FILIP1: variants seen among roughly 807,000 people sequenced by gnomAD.
FILIP1 encodes the protein filamin A interacting protein 1, also known as filamin-A-interacting protein 1.
FILIP1 carries 61 observed loss-of-function variants against 102.1 expected under a neutral mutation model. The observed-to-expected ratio is 0.60, with a 90% CI of 0.49 to 0.74. The LOEUF is 0.74. Ranked by LOEUF, FILIP1 falls within the 30% of genes least tolerant of loss-of-function variation. The pLI is 0.00. For missense variants in FILIP1, 1,314 were observed against 1,441.2 expected, an observed-to-expected ratio of 0.91 and a Z score of 1.43; for synonymous variants, 491 against 526.9, an observed-to-expected ratio of 0.93 and a Z score of 0.93.
intron 4 of FILIP1, among the ~76,000 whole-genome samples, chr6:75,352,159 G>A (rs1271343928): frequency 6.6e-6 from 1 of 152,082 alleles, no homozygotes; most frequent in African/African-American, 2.4e-5. Flanking sequence ...TTTATTTACT[G>A]TCTAATTGTG....
At chr6:75,476,362 A>C (rs1368009083) in intron 1 of FILIP1, among the ~76,000 whole-genome samples, 1 of 152,180 alleles carries the variant, frequency 6.6e-6, no homozygotes. Flanking sequence ...TTTAGGTGAC[A>C]CTGGGAAATT....
At position 75,313,482 on chromosome 6, in the gene FILIP1, T is replaced by C; in HGVS notation, c.2350A>G (p.Arg784Gly). The change falls in exon 5 of 6, where the codon AGA (arginine) becomes GGA (glycine). Residue 784 changes from arginine (R) to glycine (G), a missense_variant. Arg to Gly is a moderately radical substitution (Grantham distance 125, BLOSUM62 -2). This residue lies in a region of FILIP1 where 816 missense variants were observed against 913.1 expected (regional missense o/e 0.89). Transcript: ENST00000237172. The surrounding 1 kb of genome is among the most constrained non-coding windows in gnomAD (Gnocchi z 4.2). ...KELELSKRYSRALRPSVNGRR... is the reference protein window; with the variant it reads ...KELELSKRYSGALRPSVNGRR... ...CCATTCACACTGGGCCTAAGAGCTC[T>C]GCTGTAGCGCTTGGAAAGCTCCAAC... 1 of 1,614,254 alleles carries C rather than the reference T, an allele frequency of 6.2e-7. No homozygotes were observed. The highest frequency in any genetic ancestry group is 8.5e-7 in the Non-Finnish European group (1 of 1,180,046).
intron 1 of FILIP1, among the ~76,000 whole-genome samples, chr6:75,437,490 A>G (rs986469665): frequency 1.3e-5 from 2 of 152,218 alleles, no homozygotes; most frequent in Non-Finnish European, 1.5e-5. Context: ...TTGGCCAGAG[A>G]TGCCTCATGG....
At chr6:75,433,141 T>C (rs539827643) in intron 1 of FILIP1, among the ~76,000 whole-genome samples, 12 of 152,372 alleles carry the variant, frequency 7.9e-5, no homozygotes, top group African/African-American at 2.9e-4. Context: ...TAAACATACA[T>C]GTGCATGTGT....
At chr6:75,451,692 G>A (rs566961053) in intron 1 of FILIP1, among the ~76,000 whole-genome samples, 2 of 152,176 alleles carry the variant, frequency 1.3e-5, no homozygotes, top group African/African-American at 2.4e-5. Flanking sequence ...TTAGCCAGAT[G>A]TGGTGGTGTG....
At chr6:75,347,055 T>G (rs530400788) in intron 4 of FILIP1, among the ~76,000 whole-genome samples, 1 of 152,314 alleles carries the variant, frequency 6.6e-6, no homozygotes, top group East Asian at 1.9e-4. Flanking sequence ...AGAATAGGTA[T>G]GCAGTTCAAG....
chr6:75,356,310 G>A (rs1370492521), intron 3 of FILIP1, among the ~76,000 whole-genome samples: 2 of 151,894 alleles, frequency 1.3e-5, no homozygotes, highest in African/African-American at 4.8e-5. Flanking sequence ...AAAGAGAGCT[G>A]CTCACATTAT....
intron 6 of FILIP1, among the ~76,000 whole-genome samples, chr6:75,297,616 TA>T (rs1233863400): frequency 6.6e-6 from 1 of 152,130 alleles, no homozygotes; most frequent in African/African-American, 2.4e-5. Flanking sequence ...TTCAAATGCC[TA>T]AAAATATATC....
chr6:75,469,017 A>G (rs1012430657), intron 1 of FILIP1, among the ~76,000 whole-genome samples: 4 of 152,058 alleles, frequency 2.6e-5, no homozygotes, highest in Non-Finnish European at 5.9e-5. Flanking sequence ...TCTTTGATAT[A>G]ATTTTGCCAA....
chr6:75,466,255 A>G (rs1025872730), intron 1 of FILIP1, among the ~76,000 whole-genome samples: 1 of 152,090 alleles, frequency 6.6e-6, no homozygotes, highest in Non-Finnish European at 1.5e-5. Context: ...TGATTTACTT[A>G]TTTATTATGC....
At chr6:75,302,006 C>G (rs919948964) in intron 6 of FILIP1, among the ~76,000 whole-genome samples, 4 of 152,108 alleles carry the variant, frequency 2.6e-5, no homozygotes, top group African/African-American at 9.7e-5. Flanking sequence ...ACCCCTGAAA[C>G]TTTCTCATTC....
At chr6:75,356,391 G>A (rs978924333) in intron 3 of FILIP1, among the ~76,000 whole-genome samples, 5 of 152,026 alleles carry the variant, frequency 3.3e-5, no homozygotes, top group African/African-American at 7.2e-5. Flanking sequence ...AGAAGCCCAC[G>A]TTAATGGGTG....
At chr6:75,488,443 GAAAA>G (rs199851121) in intron 1 of FILIP1, among the ~76,000 whole-genome samples, 1 of 135,856 alleles carries the variant, frequency 7.4e-6, no homozygotes, top group Non-Finnish European at 1.6e-5. Context: ...GACCATTTAA[GAAAA>G]AAAAAAAAAC....
downstream of FILIP1, among the ~76,000 whole-genome samples, chr6:75,303,710 C>A (rs891851430): frequency 4.0e-5 from 6 of 150,876 alleles, no homozygotes; most frequent in African/African-American, 1.5e-4. Context: ...TACTGGAGGA[C>A]TTTTTCCTTT....
intron 6 of FILIP1, among the ~76,000 whole-genome samples, chr6:75,301,437 C>T (rs370741864): frequency 6.6e-5 from 10 of 152,076 alleles, no homozygotes; most frequent in East Asian, 3.8e-4. Flanking sequence ...GACATCTGTA[C>T]GCCTCAGGGA....
chr6:75,424,659 ATT>A (rs1777575055), intron 1 of FILIP1, among the ~76,000 whole-genome samples: 1 of 152,166 alleles, frequency 6.6e-6, no homozygotes, highest in African/African-American at 2.4e-5. Flanking sequence ...ATAGAAAAAT[ATT>A]TGTCTTTATA....
At chr6:75,308,976 TG>T in intron 5 of FILIP1, 79 bp from the exon 6 acceptor site, 1 of 1,486,948 alleles carries the variant, frequency 6.7e-7, no homozygotes, top group Admixed American at 1.8e-5. Context: ...TGAACATTAG[TG>T]GGACTCTTGC....
chr6:75,441,770 C>T (rs1333736554), intron 1 of FILIP1, among the ~76,000 whole-genome samples: 1 of 147,836 alleles, frequency 6.8e-6, no homozygotes, highest in Non-Finnish European at 1.5e-5. Flanking sequence ...TCCTCACTTC[C>T]CAGTAGGGGC....
chr6:75,339,828 G>T (rs185071857), intron 4 of FILIP1, among the ~76,000 whole-genome samples: 4 of 152,148 alleles, frequency 2.6e-5, no homozygotes, highest in Non-Finnish European at 4.4e-5. Context: ...GGCACCTGTA[G>T]TTCCAGGTAC....
Sources: allele counts gnomAD v4.1 joint callset (sites outside exome capture counted in the v4.1 genomes callset), GRCh38; gene constraint gnomAD v4.1.1; regional missense constraint gnomAD v4.1.1; non-coding constraint Gnocchi (gnomAD v3.1); transcripts MANE v1.5; gene names NCBI Gene and HGNC (gene_info 2026-07-23, HGNC 2026-07-21).